Variants in PTH1R observed in about 807,000 individuals in gnomAD.
The protein encoded by PTH1R is parathyroid hormone 1 receptor.
PTH1R carries 32 observed loss-of-function variants against 70.7 expected under a neutral mutation model. The observed-to-expected ratio is 0.45, with a 90% CI of 0.34 to 0.61. The LOEUF (loss-of-function observed/expected upper bound fraction) is 0.61. Ranked by LOEUF, PTH1R falls within the 20% of genes least tolerant of loss-of-function variation. The pLI is 0.01. For missense variants in PTH1R, 626 were observed against 792.5 expected (o/e 0.79, Z 2.52); for synonymous variants, 329 against 324.8 (o/e 1.01, Z -0.14).
In PTH1R at chr3:46,902,072, A is replaced by T. The variant is rs2107060927; in HGVS notation, c.1211+212A>T. 6.6e-6 allele frequency among the ~76,000 whole-genome samples: 1 copy of T among 152,326 alleles called. No homozygotes were observed. The highest frequency in any genetic ancestry group is 2.4e-5 in the African/African-American group (1 of 41,580). ...CAAAGCCAGCCTGCCCACTTGTACC[A>T]GGCCCTGCACTAGAGCTGGAGTCTG... On this transcript the variant is annotated intron_variant, in intron 13 of 15. Coordinates refer to ENST00000449590, the MANE Select transcript of PTH1R (RefSeq NM_000316.3). This position sits in a 1 kb window ranked among gnomAD's most constrained non-coding sequence, Gnocchi z 5.4.
At chr3:46,885,165 G>T (rs1226433500) in intron 3 of PTH1R, among the ~76,000 whole-genome samples, 1 of 152,126 alleles carries the variant, frequency 6.6e-6, no homozygotes, top group Non-Finnish European at 1.5e-5. Flanking sequence ...GTCAGAGCAG[G>T]GTTCTGTGGG....
chr3:46,887,474 AAAAG>A (rs1437121288), intron 3 of PTH1R, among the ~76,000 whole-genome samples: 7 of 151,656 alleles, frequency 4.6e-5, no homozygotes, highest in Admixed American at 2.0e-4. Context: ...AAAAAAAAAA[AAAAG>A]AGAGAGAGTC....
Position 46,902,321 on chromosome 3 carries a change from C to T in PTH1R, c.1212-205C>T, listed in dbSNP as rs1014854913. 6.6e-6 allele frequency among the ~76,000 whole-genome samples: 1 copy of T among 152,152 alleles called. No homozygotes were observed. The highest frequency in any genetic ancestry group is 6.5e-5 in the Admixed American group (1 of 15,292). On this transcript the variant is annotated intron_variant, in intron 13 of 15. Coordinates refer to ENST00000449590, the MANE Select transcript of PTH1R (RefSeq NM_000316.3). The surrounding 1 kb of genome is among the most constrained non-coding windows in gnomAD (Gnocchi z 5.4). The stretch of plus-strand genomic sequence containing the variant: ...GGGGACTGTCATTTGAAGTCCGCTC[C>T]GGGACACCGCTGAGAACCAACGGGC...
At chr3:46,889,314 T>C (rs2031247089) in intron 3 of PTH1R, among the ~76,000 whole-genome samples, 1 of 152,194 alleles carries the variant, frequency 6.6e-6, no homozygotes, top group Non-Finnish European at 1.5e-5. Context: ...ACACCTCTGC[T>C]CCTAAATCGG....
Position 46,892,292 on chromosome 3 carries a change from C to T in PTH1R, c.76-1615C>T, listed in dbSNP as rs1339711945. The stretch of plus-strand genomic sequence containing the variant: ...ACAGACGCAAAGGCTAAGGAGCTGC[C>T]GCCTCACTCACAGACGCACACACGC... On this transcript the variant is annotated intron_variant, in intron 3 of 15. Coordinates refer to ENST00000449590, the MANE Select transcript of PTH1R (RefSeq NM_000316.3). This position sits in a 1 kb window ranked among gnomAD's most constrained non-coding sequence, Gnocchi z 5.2. 6.6e-6 allele frequency among the ~76,000 whole-genome samples: 1 copy of T among 152,178 alleles called. No individual in the cohort carries two copies. The highest frequency in any genetic ancestry group is 1.9e-4 in the East Asian group (1 of 5,192).
At chr3:46,888,744 T>C (rs1463635087) in intron 3 of PTH1R, among the ~76,000 whole-genome samples, 2 of 152,210 alleles carry the variant, frequency 1.3e-5, no homozygotes, top group Non-Finnish European at 2.9e-5. Context: ...GCCATACTGT[T>C]CTTCTGGGCC....
In PTH1R at chr3:46,901,786, C is replaced by T. The variant is rs964115756; in HGVS notation, c.1137C>T (p.Ile379=). The change falls in exon 13 of 16, where the codon ATC becomes ATT. Residue 379 remains isoleucine, a synonymous_variant. Coordinates refer to ENST00000449590, the MANE Select transcript of PTH1R (RefSeq NM_000316.3). This position sits in a 1 kb window ranked among gnomAD's most constrained non-coding sequence, Gnocchi z 7.3. The stretch of plus-strand genomic sequence containing the variant: ...CACAGCTCAACTTCATCCTCTTCAT[C>T]AATATCGTCCGGGTGCTCGCCACCA... The part of the protein sequence containing the change: ...ASIVLNFILF[I]NIVRVLATKL... The T allele has an allele frequency of 4.3e-6, 7 of 1,613,972 alleles. No homozygotes were observed. In the African/African-American group the frequency reaches 9.3e-5, roughly 22 times the overall value.
intron 3 of PTH1R, among the ~76,000 whole-genome samples, chr3:46,890,652 C>A (rs1488918598): frequency 6.6e-6 from 1 of 151,948 alleles, no homozygotes; most frequent in African/African-American, 2.4e-5. Context: ...ACAGGCGCAC[C>A]ACCACACCCA....
chr3:46,897,868 G>A lies in PTH1R; in HGVS notation c.327G>A (p.Leu109=). 1 of 1,613,218 alleles carries A rather than the reference G, an allele frequency of 6.2e-7. No individual in the cohort carries two copies. Among genetic ancestry groups the A allele is most frequent in the Non-Finnish European group, 8.5e-7 (1 of 1,179,980 alleles). The change falls in exon 6 of 16, where the codon CTG becomes CTA. Residue 109 remains leucine (L), a synonymous_variant. Transcript: ENST00000449590. ...CTCTGGGCACAGGGCGCCCCTGTCT[G>A]CCGGAATGGGACCACATCCTGTGCT... ...TGSRYRGRPC[L]PEWDHILCWP... is the part of the protein sequence containing the mutation.
chr3:46,890,184 G>T (rs774051424), intron 3 of PTH1R, among the ~76,000 whole-genome samples: 1 of 152,052 alleles, frequency 6.6e-6, no homozygotes, highest in African/African-American at 2.4e-5. Context: ...CCAAAAGCTT[G>T]CCAGGAACAC....
intron 10 of PTH1R, among the ~76,000 whole-genome samples, chr3:46,900,369 G>A (rs766916049): frequency 6.6e-6 from 1 of 152,110 alleles, no homozygotes; most frequent in African/African-American, 2.4e-5. Context: ...TTTTCTTACC[G>A]TAAAGCCAGG....
chr3:46,884,680 T>G lies in PTH1R; in HGVS notation c.75+1046T>G, dbSNP rs907860320. On this transcript the variant is annotated intron_variant, in intron 3 of 15. Coordinates refer to ENST00000449590, the MANE Select transcript of PTH1R (RefSeq NM_000316.3). This position sits in a 1 kb window ranked among gnomAD's most constrained non-coding sequence, Gnocchi z 4.8. Reference sequence around the variant, plus strand: ...TAGAGAGCAGGGCAGTCAGGCAGCCTCCTCCTCCTGACCAGCAGCAGCTCC... The same window carrying G: ...TAGAGAGCAGGGCAGTCAGGCAGCCGCCTCCTCCTGACCAGCAGCAGCTCC... Among the ~76,000 whole-genome samples, 3 of 152,132 alleles carry G rather than the reference T, an allele frequency of 2.0e-5. No individual in the cohort carries two copies. Among genetic ancestry groups the G allele is most frequent in the African/African-American group, 4.8e-5 (2 of 41,430 alleles).
chr3:46,884,667 C>T lies in PTH1R; in HGVS notation c.75+1033C>T, dbSNP rs1386934389. ...GGTATCTGCCTGCTAGAGAGCAGGG[C>T]AGTCAGGCAGCCTCCTCCTCCTGAC... is the stretch of plus-strand genomic sequence containing the variant. On this transcript the variant is annotated intron_variant, in intron 3 of 15. Transcript: ENST00000449590. This position sits in a 1 kb window ranked among gnomAD's most constrained non-coding sequence, Gnocchi z 4.8. Among the ~76,000 whole-genome samples, 2 of 152,112 alleles carry T rather than the reference C, an allele frequency of 1.3e-5. No homozygotes were observed. Among genetic ancestry groups the T allele is most frequent in the African/African-American group, 4.8e-5 (2 of 41,410 alleles).
At chr3:46,890,773 T>A (rs2106993754) in intron 3 of PTH1R, among the ~76,000 whole-genome samples, 2 of 152,314 alleles carry the variant, frequency 1.3e-5, no homozygotes, top group East Asian at 3.9e-4. Context: ...AGTGCTGGGA[T>A]TACTGGTGTT....
intron 3 of PTH1R, among the ~76,000 whole-genome samples, chr3:46,889,872 T>C (rs1020386897): frequency 3.3e-5 from 5 of 152,082 alleles, no homozygotes; most frequent in African/African-American, 7.2e-5. Flanking sequence ...GACGCAAGCC[T>C]GAGTCCTCTG....
chr3:46,895,539 A>G (rs1340436390), intron 4 of PTH1R, among the ~76,000 whole-genome samples, 196 bp from the exon 5 acceptor site: 1 of 151,778 alleles, frequency 6.6e-6, no homozygotes, highest in Non-Finnish European at 1.5e-5. Flanking sequence ...TCCTCTTATT[A>G]CTTCACCTGG....
At chr3:46,888,289 G>A (rs1249883966) in intron 3 of PTH1R, among the ~76,000 whole-genome samples, 1 of 152,208 alleles carries the variant, frequency 6.6e-6, no homozygotes, top group Non-Finnish European at 1.5e-5. Flanking sequence ...TTGATTTGTT[G>A]AAGCTTTTTA....
At chr3:46,894,091 C>T in intron 4 of PTH1R, 82 bp downstream of exon 4, 1 of 1,413,946 alleles carries the variant, frequency 7.1e-7, no homozygotes, top group Non-Finnish European at 9.9e-7. Flanking sequence ...GATACAGAGC[C>T]AGGTGAAGGC....
In PTH1R at chr3:46,893,865, C is replaced by T. The variant is rs370566452; in HGVS notation, c.76-42C>T. ...GGGATGTCTCTGGGACCTGCTGCTG[C>T]GCCGGAAAGTCCTGCCTGTGGTCTG... On this transcript the variant is annotated intron_variant, in intron 3 of 15. Coordinates refer to ENST00000449590, the MANE Select transcript of PTH1R (RefSeq NM_000316.3). The surrounding 1 kb of genome is among the most constrained non-coding windows in gnomAD (Gnocchi z 5.2). 71 of 1,590,388 alleles carry T rather than the reference C, an allele frequency of 4.5e-5. No homozygotes were observed. The East Asian group carries it at 5.4e-4, about 12-fold the overall frequency.
Sources: allele counts gnomAD v4.1 joint callset (sites outside exome capture counted in the v4.1 genomes callset), GRCh38; gene constraint gnomAD v4.1.1; non-coding constraint Gnocchi (gnomAD v3.1); transcripts MANE v1.5; gene names NCBI Gene and HGNC (gene_info 2026-07-23, HGNC 2026-07-21).